ZSWIM8: variants seen among roughly 807,000 people sequenced by gnomAD.
The protein encoded by ZSWIM8 is zinc finger SWIM domain-containing protein 8.
A neutral mutation model predicts 173.7 loss-of-function variants in ZSWIM8; 27 were observed. The ratio of observed to expected loss-of-function variants is 0.16; its 90% CI spans 0.11 to 0.21. The LOEUF is 0.21. Among genes scored for constraint, ZSWIM8 ranks in the 10% least tolerant of loss-of-function variants. ZSWIM8 has a pLI of 1.00. For synonymous variants in ZSWIM8, 958 were observed against 962.0 expected (o/e 1.00, Z 0.08); for missense variants, 1,627 against 2,428.8 (o/e 0.67, Z 6.94).
chr10:73,801,759 G>A lies in ZSWIM8; in HGVS notation c.*240G>A. 6.7e-7 allele frequency: 1 copy of A among 1,499,442 alleles called. No homozygotes were observed. The highest frequency in any genetic ancestry group is 1.8e-4 in the Middle Eastern group (1 of 5,670). The allele number at this position is 1,499,442 out of a possible 1,614,324, so 92.9% of individuals were successfully genotyped here. A position where few individuals can be genotyped will look rare whatever the true frequency, so the allele number is the denominator to read the frequency against. On this transcript the variant is annotated 3_prime_UTR_variant, in exon 26 of 26. Transcript: ENST00000604729. This position sits in a 1 kb window ranked among gnomAD's most constrained non-coding sequence, Gnocchi z 4.9. Reference sequence around the variant, plus strand: ...TTGGGTGGCCTCTGGTATTTATTTGGCATTTATAAATATATAAACTCCTTT... The same window carrying A: ...TTGGGTGGCCTCTGGTATTTATTTGACATTTATAAATATATAAACTCCTTT...
chr10:73,793,433 T>A (rs1450164318), intron 10 of ZSWIM8, among the ~76,000 whole-genome samples, 155 bp from the exon 11 acceptor site: 2 of 152,124 alleles, frequency 1.3e-5, no homozygotes, highest in African/African-American at 4.8e-5. Context: ...GCATGTGTGT[T>A]TATGTGTCTG....
In ZSWIM8 at chr10:73,800,293, TAGTG is replaced by T; in HGVS notation, c.4826_4829del (p.Leu1609SerfsTer20). On this transcript the variant is annotated splice_acceptor_variant and coding_sequence_variant, in exon 23 of 26. Coordinates refer to ENST00000604729, the MANE Select transcript of ZSWIM8 (RefSeq NM_001367799.1). LOFTEE classifies it high-confidence loss of function. This position sits in a 1 kb window ranked among gnomAD's most constrained non-coding sequence, Gnocchi z 4.1. ...TTCCTCACATGGCTCTCACCCCACT[TAGTG>T]AGCAGTGTCCATCCAGCATCCACGT... is the stretch of plus-strand genomic sequence containing the variant. 1 of 1,613,712 alleles carries T rather than the reference TAGTG, an allele frequency of 6.2e-7. No homozygotes were observed. Among genetic ancestry groups the T allele is most frequent in the Non-Finnish European group, 8.5e-7 (1 of 1,179,720 alleles).
At chr10:73,787,242 CAT>C (rs2083260620) in intron 1 of ZSWIM8, among the ~76,000 whole-genome samples, 2 of 152,208 alleles carry the variant, frequency 1.3e-5, no homozygotes, top group South Asian at 4.1e-4. Flanking sequence ...CCGCTCCCGG[CAT>C]ATATATCACT....
intron 19 of ZSWIM8, 71 bp downstream of exon 19, chr10:73,798,141 G>A: frequency 1.3e-6 from 2 of 1,593,178 alleles, no homozygotes; most frequent in Middle Eastern, 1.7e-4. Flanking sequence ...TATCTTTGTG[G>A]GGTTACTGAT....
Position 73,800,773 on chromosome 10 carries a change from T to C in ZSWIM8, c.5122+14T>C. Reference sequence around the variant, plus strand: ...CAGCAAAGCTGGGTAACACCTCCCCTCCCTAGGACCATTGCCCCCCCCCCA... The same window carrying C: ...CAGCAAAGCTGGGTAACACCTCCCCCCCCTAGGACCATTGCCCCCCCCCCA... On this transcript the variant is annotated intron_variant, in intron 24 of 25. Transcript: ENST00000604729. This position sits in a 1 kb window ranked among gnomAD's most constrained non-coding sequence, Gnocchi z 4.1. 6.3e-7 allele frequency: 1 copy of C among 1,582,250 alleles called. No homozygotes were observed. Among genetic ancestry groups the C allele is most frequent in the South Asian group, 1.1e-5 (1 of 88,852 alleles).
At position 73,789,331 on chromosome 10, in the gene ZSWIM8, A is replaced by ACAG; in HGVS notation, c.458-33_458-31dup. 1 of 1,558,694 alleles carries ACAG rather than the reference A, an allele frequency of 6.4e-7. No homozygotes were observed. The highest frequency in any genetic ancestry group is 8.7e-7 in the Non-Finnish European group (1 of 1,150,438). On this transcript the variant is annotated intron_variant, in intron 3 of 25. Coordinates refer to ENST00000604729, the MANE Select transcript of ZSWIM8 (RefSeq NM_001367799.1). The surrounding 1 kb of genome is among the most constrained non-coding windows in gnomAD (Gnocchi z 6.8). ...GTCAAGGGCAGAGACCCAGGTCCTGACAGCACTCCCTGACCATGCCCCCAT... is the reference window on the plus strand; with the variant it reads ...GTCAAGGGCAGAGACCCAGGTCCTGACAGCAGCACTCCCTGACCATGCCCCCAT...
Position 73,796,963 on chromosome 10 carries a change from G to A in ZSWIM8, c.3223G>A (p.Ala1075Thr). The change falls in exon 16 of 26, where the codon GCA (alanine) becomes ACA (threonine). Residue 1075 changes from alanine (A) to threonine (T), a missense_variant. Transcript: ENST00000604729. ...AGGGCCTGCTCAACCAGGGAGTGTG[G>A]CAGGGGCTGGGCCAGGCCCCACTGA... is the stretch of plus-strand genomic sequence containing the variant. ...SAGPAQPGSVAGAGPGPTEGF... is the reference protein window; with the variant it reads ...SAGPAQPGSVTGAGPGPTEGF... 1 of 1,613,880 alleles carries A rather than the reference G, an allele frequency of 6.2e-7. No individual in the cohort carries two copies. The highest frequency in any genetic ancestry group is 1.1e-5 in the South Asian group (1 of 91,078).
chr10:73,788,997 T>G, intron 2 of ZSWIM8, 99 bp from the exon 3 acceptor site: 2 of 655,598 alleles, frequency 3.1e-6, no homozygotes, highest in South Asian at 1.5e-5. Flanking sequence ...GGGGAAGGAA[T>G]GAGGCTAGGG....
rs756146716 is a variant in ZSWIM8 at position 73,800,710 on chromosome 10, C to A, written c.5073C>A (p.Pro1691=). 3 of 1,613,800 alleles carry A rather than the reference C, an allele frequency of 1.9e-6. No homozygotes were observed. The highest frequency in any genetic ancestry group is 2.5e-6 in the Non-Finnish European group (3 of 1,179,814). Residue 1691 remains proline, a synonymous_variant, in exon 24 of 26, where the codon CCC becomes CCA. Coordinates refer to ENST00000604729, the MANE Select transcript of ZSWIM8 (RefSeq NM_001367799.1). The surrounding 1 kb of genome is among the most constrained non-coding windows in gnomAD (Gnocchi z 4.1). ...NDHPNNFSRS[P]PYTDDVKWLL... is the part of the protein sequence containing the mutation. Reference sequence around the variant, plus strand: ...ACCCCAACAACTTCTCCCGCTCCCCCCCCTACACTGATGATGTCAAATGGT... The same window carrying A: ...ACCCCAACAACTTCTCCCGCTCCCCACCCTACACTGATGATGTCAAATGGT...
chr10:73,799,641 G>A, intron 21 of ZSWIM8, 151 bp downstream of exon 21: 1 of 1,118,754 alleles, frequency 8.9e-7, no homozygotes, highest in Non-Finnish European at 1.3e-6. Flanking sequence ...ACTAAAATAA[G>A]AAATGACGGC....
rs1322945981 is a variant in ZSWIM8 at position 73,789,689 on chromosome 10, G to A, written c.631-28G>A. 1.3e-6 allele frequency: 2 copies of A among 1,573,884 alleles called. No homozygotes were observed. The highest frequency in any genetic ancestry group is 4.7e-5 in the East Asian group (2 of 42,438). On this transcript the variant is annotated intron_variant, in intron 4 of 25. Transcript: ENST00000604729. The surrounding 1 kb of genome is among the most constrained non-coding windows in gnomAD (Gnocchi z 6.8). Reference sequence around the variant, plus strand: ...GCTCCAGCAAACCTGTTCTCAGATTGTTCCATTTTTCTCTGTGTCCCCTTC... The same window carrying A: ...GCTCCAGCAAACCTGTTCTCAGATTATTCCATTTTTCTCTGTGTCCCCTTC...
At position 73,791,837 on chromosome 10, in the gene ZSWIM8, C is replaced by T; in HGVS notation, c.1320-22C>T. ...CCTTTCCCAGTAGCCCCTCAGCAGCCTCCTGCCCCTTGTTCCCACAGGCGC... is the reference window on the plus strand; with the variant it reads ...CCTTTCCCAGTAGCCCCTCAGCAGCTTCCTGCCCCTTGTTCCCACAGGCGC... On this transcript the variant is annotated intron_variant, in intron 9 of 25. Coordinates refer to ENST00000604729, the MANE Select transcript of ZSWIM8 (RefSeq NM_001367799.1). This position sits in a 1 kb window ranked among gnomAD's most constrained non-coding sequence, Gnocchi z 6.0. The T allele has an allele frequency of 1.3e-6, 2 of 1,493,138 alleles. No individual in the cohort carries two copies. The highest frequency in any genetic ancestry group is 1.8e-6 in the Non-Finnish European group (2 of 1,112,468). The allele number at this position is 1,493,138 out of a possible 1,614,324, so 92.5% of individuals were successfully genotyped here. A position where few individuals can be genotyped will look rare whatever the true frequency, so the allele number is the denominator to read the frequency against.
At position 73,789,906 on chromosome 10, in the gene ZSWIM8, T is replaced by C. The variant is rs369374922; in HGVS notation, c.739-50T>C. 6.3e-7 allele frequency: 1 copy of C among 1,594,548 alleles called. No individual in the cohort carries two copies. The highest frequency in any genetic ancestry group is 1.1e-5 in the South Asian group (1 of 88,548). On this transcript the variant is annotated intron_variant, in intron 5 of 25. Transcript: ENST00000604729. This position sits in a 1 kb window ranked among gnomAD's most constrained non-coding sequence, Gnocchi z 6.8. ...CCTTCCTGTTAGGCCCAGGCCTCCA[T>C]GGGTTCACCTAGGCCGTGTTCTGCC... is the stretch of plus-strand genomic sequence containing the variant.
Position 73,791,708 on chromosome 10 carries a change from A to G in ZSWIM8, c.1320-151A>G, listed in dbSNP as rs2083419935. ...CCCTAAATAACACCCACTTTTCAAA[A>G]TTCTCCAGTGTTTCAGTGATGCTTA... On this transcript the variant is annotated intron_variant, in intron 9 of 25. Transcript: ENST00000604729. This position sits in a 1 kb window ranked among gnomAD's most constrained non-coding sequence, Gnocchi z 6.0. The G allele has an allele frequency of 1.6e-6, 2 of 1,263,296 alleles. No homozygotes were observed. Among genetic ancestry groups the G allele is most frequent in the Non-Finnish European group, 2.1e-6 (2 of 945,208 alleles). 78.3% of individuals were successfully genotyped at this position (1,263,296 alleles called of 1,614,324 possible).
intron 14 of ZSWIM8, among the ~76,000 whole-genome samples, chr10:73,795,285 T>C (rs576879366): frequency 6.6e-5 from 10 of 152,292 alleles, no homozygotes; most frequent in African/African-American, 2.4e-4. Flanking sequence ...TTCATGAGAA[T>C]GAGGAGGCCA....
rs990108186 is a variant in ZSWIM8 at position 73,795,748 on chromosome 10, A to T, written c.3033+85A>T. The T allele has an allele frequency of 3.1e-5, 45 of 1,466,344 alleles. No homozygotes were observed. The African/African-American group carries it at 5.6e-4, about 18-fold the overall frequency. The allele number at this position is 1,466,344 out of a possible 1,614,324, so 90.8% of individuals were successfully genotyped here. ...AGAGGCGGGCAGATGGCTTGAGCCC[A>T]GGAGTTTGAGACAAGCCTGGGCAAC... On this transcript the variant is annotated intron_variant, in intron 15 of 25. Coordinates refer to ENST00000604729, the MANE Select transcript of ZSWIM8 (RefSeq NM_001367799.1).
chr10:73,801,261 AG>A lies in ZSWIM8; in HGVS notation c.5302-52del. The A allele has an allele frequency of 1.2e-5, 19 of 1,604,880 alleles. No homozygotes were observed. Among genetic ancestry groups the A allele is most frequent in the Non-Finnish European group, 1.5e-5 (18 of 1,173,690 alleles). Reference sequence around the variant, plus strand: ...GGGTGGTCTTGGACCAGAGGGAGGCAGGGCCTGTTTCTGTGCTTTGTACTAA... The same window carrying A: ...GGGTGGTCTTGGACCAGAGGGAGGCAGGCCTGTTTCTGTGCTTTGTACTAA... On this transcript the variant is annotated intron_variant, in intron 25 of 25. Coordinates refer to ENST00000604729, the MANE Select transcript of ZSWIM8 (RefSeq NM_001367799.1). This position sits in a 1 kb window ranked among gnomAD's most constrained non-coding sequence, Gnocchi z 4.9.
At position 73,792,997 on chromosome 10, in the gene ZSWIM8, C is replaced by A; in HGVS notation, c.2313+145C>A. 2 of 1,017,076 alleles carry A rather than the reference C, an allele frequency of 2.0e-6. No homozygotes were observed. Among genetic ancestry groups the A allele is most frequent in the Non-Finnish European group, 2.8e-6 (2 of 714,900 alleles). The allele number at this position is 1,017,076 out of a possible 1,614,324, so 63.0% of individuals were successfully genotyped here. A position where few individuals can be genotyped will look rare whatever the true frequency, so the allele number is the denominator to read the frequency against. On this transcript the variant is annotated intron_variant, in intron 10 of 25. Coordinates refer to ENST00000604729, the MANE Select transcript of ZSWIM8 (RefSeq NM_001367799.1). The surrounding 1 kb of genome is among the most constrained non-coding windows in gnomAD (Gnocchi z 4.3). ...CCGAACTGGTCTCCCTGCTTTCAGT[C>A]TACTCACTTTTCTGCTTCCACGAGA...
At chr10:73,796,369 AG>A (rs1461462445) in intron 15 of ZSWIM8, 3 of 424,368 alleles carry the variant, frequency 7.1e-6, no homozygotes, top group Non-Finnish European at 1.4e-5. Context: ...AAGAAGAAGA[AG>A]AAAAAAAGAA....
Sources: gnomAD v4.1 joint callset for allele counts (sites outside exome capture counted in the v4.1 genomes callset) on GRCh38, gnomAD v4.1.1 for gene constraint, Gnocchi (gnomAD v3.1) non-coding constraint, MANE v1.5 for transcripts, NCBI Gene and HGNC (gene_info 2026-07-23, HGNC 2026-07-21) for gene names.